Variants in TMEM232 observed in about 807,000 individuals in gnomAD.
TMEM232 encodes the protein transmembrane protein 232.
Under a neutral mutation model 78.8 loss-of-function variants are expected in TMEM232, and 80 were observed. That is an observed-to-expected ratio of 1.01 (90% CI 0.85 to 1.22). The LOEUF (loss-of-function observed/expected upper bound fraction) is 1.22. Ranked by LOEUF, TMEM232 falls within the 50% of genes most tolerant of loss-of-function variation. TMEM232 has a pLI of 0.00. For synonymous variants in TMEM232, 297 were observed against 254.3 expected, an observed-to-expected ratio of 1.17 and a Z score of -1.60; for missense variants, 881 against 742.2, an observed-to-expected ratio of 1.19 and a Z score of -2.17.
At chr5:110,560,218 C>T (rs992394896) in intron 11 of TMEM232, among the ~76,000 whole-genome samples, 1 of 151,936 alleles carries the variant, frequency 6.6e-6, no homozygotes, top group Admixed American at 6.6e-5. Flanking sequence ...GAATATAGAC[C>T]TTCCATATGA....
chr5:110,541,927 G>A (rs1035551039), intron 11 of TMEM232, among the ~76,000 whole-genome samples: 4 of 152,100 alleles, frequency 2.6e-5, no homozygotes, highest in African/African-American at 9.7e-5. Flanking sequence ...ATCAGGCCAA[G>A]AGATGAAAAC....
chr5:110,567,765 C>T (rs1776507058), intron 11 of TMEM232, among the ~76,000 whole-genome samples: 1 of 151,916 alleles, frequency 6.6e-6, no homozygotes, highest in South Asian at 2.1e-4. Flanking sequence ...AGTCCAGTGT[C>T]ATGATATGGC....
intron 1 of TMEM232, among the ~76,000 whole-genome samples, chr5:110,713,496 A>C (rs1796707256): frequency 6.6e-6 from 1 of 152,186 alleles, no homozygotes; most frequent in African/African-American, 2.4e-5. Flanking sequence ...AGCCTGTATC[A>C]AAATATAATA....
intron 10 of TMEM232, among the ~76,000 whole-genome samples, chr5:110,576,552 CA>C (rs1777591863): frequency 6.6e-6 from 1 of 151,748 alleles, no homozygotes; most frequent in Admixed American, 6.6e-5. Flanking sequence ...TATGGAATAA[CA>C]ACAAAAAAAG....
intron 1 of TMEM232, among the ~76,000 whole-genome samples, chr5:110,685,329 G>C (rs981018374): frequency 6.6e-6 from 1 of 151,986 alleles, no homozygotes; most frequent in Non-Finnish European, 1.5e-5. Flanking sequence ...CCCCAAAAAA[G>C]TGGAAGTGAA....
chr5:110,482,126 T>C (rs1461306147), intron 12 of TMEM232, among the ~76,000 whole-genome samples: 5 of 151,914 alleles, frequency 3.3e-5, no homozygotes, highest in Non-Finnish European at 7.4e-5. Context: ...ATTAATAGAA[T>C]AGACAAATAA....
At chr5:110,554,222 G>A (rs1774802069) in intron 11 of TMEM232, among the ~76,000 whole-genome samples, 1 of 152,074 alleles carries the variant, frequency 6.6e-6, no homozygotes. Flanking sequence ...AATCTAATCA[G>A]CTGCCAACAC....
intron 2 of TMEM232, among the ~76,000 whole-genome samples, chr5:110,664,314 A>C (rs1010255000): frequency 3.9e-5 from 6 of 152,232 alleles, no homozygotes; most frequent in African/African-American, 1.4e-4. Flanking sequence ...CATAATTACC[A>C]ATATGGATTA....
chr5:110,575,550 T>G (rs958574381), intron 10 of TMEM232, among the ~76,000 whole-genome samples: 1 of 152,008 alleles, frequency 6.6e-6, no homozygotes, highest in Non-Finnish European at 1.5e-5. Flanking sequence ...AGCTAAGGTG[T>G]GTGGCTCTTG....
intron 1 of TMEM232, among the ~76,000 whole-genome samples, chr5:110,681,179 G>A (rs1182967935): frequency 3.9e-5 from 6 of 152,122 alleles, no homozygotes; most frequent in African/African-American, 4.8e-5. Context: ...ACTTGTATAC[G>A]ACAATTTCTC....
chr5:110,479,543 T>A (rs1473908119), intron 12 of TMEM232, among the ~76,000 whole-genome samples: 2 of 151,924 alleles, frequency 1.3e-5, no homozygotes, highest in African/African-American at 4.8e-5. Flanking sequence ...AACTGTATTA[T>A]AAAGTATATA....
intron 1 of TMEM232, among the ~76,000 whole-genome samples, chr5:110,674,768 C>T (rs1791809420): frequency 6.6e-6 from 1 of 152,168 alleles, no homozygotes; most frequent in African/African-American, 2.4e-5. Flanking sequence ...CCACATCGTG[C>T]AATGTACTCA....
At chr5:110,622,804 G>A (rs1463176378) in intron 7 of TMEM232, among the ~76,000 whole-genome samples, 1 of 149,288 alleles carries the variant, frequency 6.7e-6, no homozygotes, top group East Asian at 2.0e-4. Flanking sequence ...AGAACACATG[G>A]ACACAGGAAG....
chr5:110,466,197 G>A (rs1762056331), intron 12 of TMEM232, among the ~76,000 whole-genome samples: 1 of 152,132 alleles, frequency 6.6e-6, no homozygotes, highest in Admixed American at 6.5e-5. Flanking sequence ...GCAAAAGAAA[G>A]TGATATCACC....
chr5:110,599,800 C>G (rs1042145062), intron 10 of TMEM232, among the ~76,000 whole-genome samples: 2 of 152,142 alleles, frequency 1.3e-5, no homozygotes, highest in African/African-American at 4.8e-5. Context: ...TTGAACTCAG[C>G]TCTGGACCAA....
chr5:110,675,852 T>G (rs1388783529), intron 1 of TMEM232, among the ~76,000 whole-genome samples: 1 of 152,180 alleles, frequency 6.6e-6, no homozygotes, highest in Non-Finnish European at 1.5e-5. Flanking sequence ...GTCACCATGC[T>G]GTACAACAGA....
intron 1 of TMEM232, among the ~76,000 whole-genome samples, chr5:110,723,441 G>T (rs1157469886): frequency 6.6e-6 from 1 of 152,042 alleles, no homozygotes; most frequent in Non-Finnish European, 1.5e-5. Context: ...CTACTTCTTG[G>T]CTAGTACATT....
At chr5:110,494,496 G>A (rs1355626149) in intron 12 of TMEM232, among the ~76,000 whole-genome samples, 5 of 152,064 alleles carry the variant, frequency 3.3e-5, no homozygotes, top group East Asian at 3.9e-4. Flanking sequence ...AAATGCTGAT[G>A]AGAGTATAAA....
chr5:110,391,719 T>C (rs1191064554), intron 3 of TMEM232, among the ~76,000 whole-genome samples: 2 of 152,160 alleles, frequency 1.3e-5, no homozygotes, highest in African/African-American at 4.8e-5. Flanking sequence ...TCAGTATAAT[T>C]AGATTGTTTC....
Sources: gnomAD v4.1 joint callset for allele counts (sites outside exome capture counted in the v4.1 genomes callset) on GRCh38, gnomAD v4.1.1 for gene constraint, MANE v1.5 for transcripts, NCBI Gene and HGNC (gene_info 2026-07-23, HGNC 2026-07-21) for gene names.